Variants in KDM4C observed in about 807,000 individuals in gnomAD.
KDM4C encodes lysine-specific demethylase 4C.
KDM4C carries 81 observed loss-of-function variants against 129.3 expected under a neutral mutation model. The observed-to-expected ratio is 0.63, with a 90% CI of 0.52 to 0.75. The LOEUF (loss-of-function observed/expected upper bound fraction) is 0.75, where lower values mean the gene tolerates loss of function less well. Ranked by LOEUF, KDM4C falls within the 30% of genes least tolerant of loss-of-function variation. KDM4C has a pLI of 0.00. For synonymous variants in KDM4C, 573 were observed against 456.1 expected, an observed-to-expected ratio of 1.26 and a Z score of -3.26; for missense variants, 1,457 against 1,304.0, an observed-to-expected ratio of 1.12 and a Z score of -1.81.
At chr9:7,158,622 T>C (rs546977398) in intron 19 of KDM4C, among the ~76,000 whole-genome samples, 4 of 152,300 alleles carry the variant, frequency 2.6e-5, no homozygotes, top group African/African-American at 9.6e-5. Flanking sequence ...CAGGAGCAGG[T>C]TGTTCAGTTT....
chr9:7,097,313 A>G (rs1836554679), intron 17 of KDM4C, among the ~76,000 whole-genome samples: 1 of 151,852 alleles, frequency 6.6e-6, no homozygotes, highest in Admixed American at 6.6e-5. Flanking sequence ...TAGCATCTAA[A>G]CTCCGAGAAA....
Position 7,061,700 on chromosome 9 carries a change from T to C in KDM4C, c.2424+12500T>C, listed in dbSNP as rs562703277. ...GGAAAAGGTCAGTAAGTCCACTTTT[T>C]TCCCAATATCGACTCTACCCTCAGC... On this transcript the variant is annotated intron_variant, in intron 17 of 21. Transcript: ENST00000381309. 7.8e-4 allele frequency among the ~76,000 whole-genome samples: 119 copies of C among 152,330 alleles called. 1 individual carries two copies. The highest frequency in any genetic ancestry group is 6.8e-3 in the Middle Eastern group (2 of 294).
chr9:6,749,910 AG>A lies in KDM4C; in HGVS notation c.49+28919del, dbSNP rs749677625. On this transcript the variant is annotated intron_variant, in intron 1 of 17. Transcript: ENST00000536108. ...CCGAGGCACAAGAATCACTTGAACC[AG>A]GGGGGCGGAGGTTGCAGTGAGCCAA... 1.1e-3 allele frequency among the ~76,000 whole-genome samples: 146 copies of A among 138,458 alleles called. 3 individuals carry two copies. The highest frequency in any genetic ancestry group is 8.3e-4 in the African/African-American group (31 of 37,136). The allele number at this position is 138,458 out of a possible 152,430, so 90.8% of individuals were successfully genotyped here.
chr9:6,824,036 A>G (rs765713476), intron 4 of KDM4C, among the ~76,000 whole-genome samples: 5 of 152,254 alleles, frequency 3.3e-5, no homozygotes, highest in Non-Finnish European at 7.3e-5. Context: ...ACTTAGCTGC[A>G]GACTATATTC....
At chr9:7,162,014 G>T (rs1222839354) in intron 19 of KDM4C, among the ~76,000 whole-genome samples, 4 of 152,242 alleles carry the variant, frequency 2.6e-5, no homozygotes, top group African/African-American at 9.6e-5. Context: ...AACTTCATTT[G>T]GAAAGTAGCT....
At chr9:7,143,605 A>C (rs1564172501) in intron 19 of KDM4C, among the ~76,000 whole-genome samples, 1 of 152,222 alleles carries the variant, frequency 6.6e-6, no homozygotes, top group African/African-American at 2.4e-5. Context: ...ATGGTGTGTT[A>C]TCTACATATT....
chr9:7,014,074 G>T, intron 14 of KDM4C, 73 bp downstream of exon 14: 1 of 1,209,968 alleles, frequency 8.3e-7, no homozygotes, highest in South Asian at 1.3e-5. Context: ...CACTTTTTTG[G>T]AACCTGTCAG....
chr9:6,857,087 G>A (rs1390179524), intron 5 of KDM4C, among the ~76,000 whole-genome samples: 1 of 152,046 alleles, frequency 6.6e-6, no homozygotes, highest in Non-Finnish European at 1.5e-5. Context: ...TTACACTCCA[G>A]GGCTCAATCA....
intron 4 of KDM4C, chr9:6,834,772 C>G (rs988747046): frequency 4.1e-6 from 5 of 1,214,256 alleles, no homozygotes; most frequent in Non-Finnish European, 6.1e-6. Context: ...TGCTGCTGAC[C>G]GAGGCCCCCC....
At chr9:6,938,436 C>G (rs1432191984) in intron 8 of KDM4C, among the ~76,000 whole-genome samples, 2 of 152,156 alleles carry the variant, frequency 1.3e-5, no homozygotes, top group African/African-American at 2.4e-5. Flanking sequence ...CTCCTACTGT[C>G]CAAACTCTGG....
At chr9:6,850,630 C>G (rs1838668869) in intron 5 of KDM4C, among the ~76,000 whole-genome samples, 1 of 152,084 alleles carries the variant, frequency 6.6e-6, no homozygotes, top group South Asian at 2.1e-4. Flanking sequence ...CAGGGTTTCA[C>G]CATGTTGCCC....
intron 2 of KDM4C, among the ~76,000 whole-genome samples, chr9:6,793,869 A>G (rs1178524361): frequency 1.3e-5 from 2 of 152,006 alleles, no homozygotes; most frequent in African/African-American, 4.8e-5. Flanking sequence ...ACACTTATTG[A>G]TATATTTTAT....
chr9:7,018,506 A>G (rs1445682818), intron 15 of KDM4C, among the ~76,000 whole-genome samples: 1 of 152,224 alleles, frequency 6.6e-6, no homozygotes, highest in Non-Finnish European at 1.5e-5. Flanking sequence ...ATGAGCCAAC[A>G]TAAAGTATTG....
intron 3 of KDM4C, among the ~76,000 whole-genome samples, chr9:6,811,757 A>G (rs1831192537): frequency 6.6e-6 from 1 of 152,080 alleles, no homozygotes; most frequent in East Asian, 1.9e-4. Flanking sequence ...CCCCGTGTCT[A>G]GGGTTTTGTG....
chr9:6,784,395 A>AT (rs914802474), intron 1 of KDM4C, among the ~76,000 whole-genome samples: 4 of 151,846 alleles, frequency 2.6e-5, no homozygotes, highest in African/African-American at 9.7e-5. Context: ...TGCCTGGCTA[A>AT]TTTTTTTTGT....
intron 15 of KDM4C, among the ~76,000 whole-genome samples, chr9:7,040,488 A>G (rs1051054024): frequency 2.0e-5 from 3 of 151,750 alleles, no homozygotes; most frequent in Non-Finnish European, 4.4e-5. Flanking sequence ...GGAGTTCTTC[A>G]TTCCTTCCTG....
chr9:6,830,941 A>T (rs940358742), intron 4 of KDM4C, among the ~76,000 whole-genome samples: 1 of 152,168 alleles, frequency 6.6e-6, no homozygotes, highest in South Asian at 2.1e-4. Context: ...GTATAGAGGA[A>T]TTGGGAAGAA....
intron 1 of KDM4C, among the ~76,000 whole-genome samples, chr9:6,790,520 C>T (rs948349613): frequency 1.3e-4 from 19 of 151,474 alleles, no homozygotes; most frequent in Non-Finnish European, 2.4e-4. Context: ...TCCCAGAGTG[C>T]GGGGATTATA....
At chr9:6,890,590 G>A (rs541352742) in intron 7 of KDM4C, among the ~76,000 whole-genome samples, 19 of 151,980 alleles carry the variant, frequency 1.3e-4, no homozygotes, top group East Asian at 3.9e-4. Flanking sequence ...AATGACAGGG[G>A]CCTAAAATTC....
Sources: allele counts gnomAD v4.1 joint callset (sites outside exome capture counted in the v4.1 genomes callset), GRCh38; gene constraint gnomAD v4.1.1; transcripts MANE v1.5; gene names NCBI Gene and HGNC (gene_info 2026-07-23, HGNC 2026-07-21).